The following MDH1 variants were observed in gnomAD, a reference collection of about 807,000 sequenced individuals.
MDH1 encodes the protein malate dehydrogenase, cytoplasmic.
A neutral mutation model predicts 38.7 loss-of-function variants in MDH1; 15 were observed. That is an observed-to-expected ratio of 0.39 (90% CI 0.26 to 0.60). The LOEUF (loss-of-function observed/expected upper bound fraction) is 0.60, where lower values mean the gene tolerates loss of function less well. MDH1 is among the 20% of genes least tolerant of loss of function. MDH1 has a pLI of 0.56. For synonymous variants in MDH1, 144 were observed against 143.6 expected (o/e 1.00, Z -0.02); for missense variants, 368 against 405.2 (o/e 0.91, Z 0.79).
At chr2:63,594,848 G>A (rs986655415) in intron 2 of MDH1, 2 of 342,524 alleles carry the variant, frequency 5.8e-6, no homozygotes, top group South Asian at 3.5e-5. Flanking sequence ...GTCAATGGGA[G>A]ATATCACTAA....
chr2:63,598,208 A>C (rs1709353717), intron 4 of MDH1: 1 of 152,126 alleles, frequency 6.6e-6, no homozygotes, highest in Non-Finnish European at 1.5e-5. Context: ...GGCTCACTGC[A>C]ACCTCTGCCT....
chr2:63,597,605 C>CATT, intron 4 of MDH1, 31 bp downstream of exon 4: 1 of 1,330,618 alleles, frequency 7.5e-7, no homozygotes, highest in African/African-American at 1.5e-5. Context: ...TGGGATTTTT[C>CATT]ATTATTAGCA....
In MDH1 at chr2:63,605,692, A is replaced by G. The variant is rs1029011419; in HGVS notation, c.790-247A>G. On this transcript the variant is annotated intron_variant, in intron 7 of 8. Coordinates refer to ENST00000233114, the MANE Select transcript of MDH1 (RefSeq NM_005917.4). The stretch of plus-strand genomic sequence containing the variant: ...GGTGAATTTTTTTCTTCTATGCCAC[A>G]GCTTCCTCATCTGTAAAATGAGGAT... 2.5e-5 allele frequency: 15 copies of G among 590,974 alleles called. No individual in the cohort carries two copies. In the African/African-American group the frequency reaches 2.6e-4, roughly 10 times the overall value. The allele number at this position is 590,974 out of a possible 1,614,324, so 36.6% of individuals were successfully genotyped here.
intron 5 of MDH1, 80 bp from the exon 6 acceptor site, chr2:63,604,616 A>G: frequency 9.3e-7 from 1 of 1,079,172 alleles, no homozygotes; most frequent in Admixed American, 2.4e-5. Flanking sequence ...ATCTTTATTT[A>G]AGGGCATTTG....
rs376853222 is a variant in MDH1, at chr2:63,594,597, G to T, written c.102+11G>T. The stretch of plus-strand genomic sequence containing the variant: ...TTTGGTAAAGATCAGGTAGGAACAG[G>T]TGTCTATAAATCTTAAGTTATTAGA... On this transcript the variant is annotated intron_variant, in intron 2 of 8. Transcript: ENST00000233114. 1.0e-5 allele frequency: 16 copies of T among 1,570,482 alleles called. 1 individual carries two copies. In the South Asian group the frequency reaches 1.6e-4, roughly 15 times the overall value.
At chr2:63,601,503 T>C (rs983324235) in intron 5 of MDH1, among the ~76,000 whole-genome samples, 2 of 152,222 alleles carry the variant, frequency 1.3e-5, no homozygotes, top group African/African-American at 4.8e-5. Context: ...TCAAAAACTT[T>C]TAACAGACCT....
At chr2:63,596,730 C>T (rs549559316) in intron 3 of MDH1, among the ~76,000 whole-genome samples, 1 of 152,202 alleles carries the variant, frequency 6.6e-6, no homozygotes, top group African/African-American at 2.4e-5. Context: ...TTTTTTAATA[C>T]AATCAACAAA....
chr2:63,597,484 C>T lies in MDH1; in HGVS notation c.285C>T (p.Gly95=). The change falls in exon 4 of 9, where the codon GGC becomes GGT. Residue 95 remains glycine (G), a synonymous_variant. Coordinates refer to ENST00000233114, the MANE Select transcript of MDH1 (RefSeq NM_005917.4). ...ILVGSMPRRE[G]MERKDLLKAN... Reference sequence around the variant, plus strand: ...TGGGCTCCATGCCAAGAAGGGAAGGCATGGAGAGAAAAGATTTACTGAAAG... The same window carrying T: ...TGGGCTCCATGCCAAGAAGGGAAGGTATGGAGAGAAAAGATTTACTGAAAG... The T allele has an allele frequency of 2.0e-6, 3 of 1,523,210 alleles. No individual in the cohort carries two copies. The highest frequency in any genetic ancestry group is 2.7e-6 in the Non-Finnish European group (3 of 1,128,760). 94.4% of individuals were successfully genotyped at this position (1,523,210 alleles called of 1,614,324 possible). A position where few individuals can be genotyped will look rare whatever the true frequency, so the allele number is the denominator to read the frequency against.
In MDH1 at chr2:63,604,903, T is replaced by C. The variant is rs1350310801; in HGVS notation, c.675+31T>C. On this transcript the variant is annotated intron_variant, in intron 6 of 8. Transcript: ENST00000233114. ...AAAAATCTGTGAGCCTTCTTAACAC[T>C]GAGCGTAAAGAACTCTTGAGAGACT... 1.9e-6 allele frequency: 3 copies of C among 1,609,212 alleles called. No individual in the cohort carries two copies. The African/African-American group carries it at 4.0e-5, about 22-fold the overall frequency.
intron 5 of MDH1, chr2:63,599,861 G>A (rs1010362610): frequency 6.6e-6 from 1 of 152,186 alleles, no homozygotes; most frequent in Non-Finnish European, 1.5e-5. Flanking sequence ...CCATAGATAA[G>A]TATGCCAAGG....
Position 63,597,567 on chromosome 2 carries a change from C to T in MDH1, c.368C>T (p.Ser123Leu), listed in dbSNP as rs748420557. 1 of 1,406,334 alleles carries T rather than the reference C, an allele frequency of 7.1e-7. No homozygotes were observed. Among genetic ancestry groups the T allele is most frequent in the East Asian group, 2.7e-5 (1 of 37,388 alleles). The allele number at this position is 1,406,334 out of a possible 1,614,324, so 87.1% of individuals were successfully genotyped here. A position where few individuals can be genotyped will look rare whatever the true frequency, so the allele number is the denominator to read the frequency against. ...GCCTTAGATAAATACGCCAAGAAGT[C>T]AGTTAAGGTGACCAATGCTGTATTT... is the stretch of plus-strand genomic sequence containing the variant. ...GAALDKYAKKSVKVIVVGNPA... is the reference protein window; with the variant it reads ...GAALDKYAKKLVKVIVVGNPA... Residue 123 changes from serine (S) to leucine (L), a missense_variant, in exon 4 of 9, where the codon TCA (serine) becomes TTA (leucine). Transcript: ENST00000233114.
At chr2:63,599,328 A>C in intron 5 of MDH1, 36 bp downstream of exon 5, 1 of 1,582,464 alleles carries the variant, frequency 6.3e-7, no homozygotes, top group Non-Finnish European at 8.6e-7. Context: ...GTGGTTGTTC[A>C]ACTTTAAAAC....
At chr2:63,594,974 T>TC (rs1033354933) in intron 2 of MDH1, 1 of 251,746 alleles carries the variant, frequency 4.0e-6, no homozygotes, top group Admixed American at 5.1e-5. Context: ...AAGCAGGCAC[T>TC]CCGACTTCCA....
chr2:63,599,324 G>A (rs1448804920), intron 5 of MDH1, 32 bp downstream of exon 5: 2 of 1,589,024 alleles, frequency 1.3e-6, no homozygotes, highest in Admixed American at 1.8e-5. Flanking sequence ...TCTTGTGGTT[G>A]TTCAACTTTA....
At chr2:63,589,571 A>G (rs1272366209) in intron 1 of MDH1, among the ~76,000 whole-genome samples, 1 of 152,228 alleles carries the variant, frequency 6.6e-6, no homozygotes, top group Non-Finnish European at 1.5e-5. Context: ...ATTTCTCAAA[A>G]TGTTATTTGG....
At chr2:63,603,655 CTTTTT>C (rs11297982) in intron 5 of MDH1, among the ~76,000 whole-genome samples, 2 of 99,110 alleles carry the variant, frequency 2.0e-5, no homozygotes, top group Admixed American at 2.4e-4. Flanking sequence ...CAAGACATTT[CTTTTT>C]TTTTTTTTTT....
At chr2:63,605,766 A>G in intron 7 of MDH1, 173 bp from the exon 8 acceptor site, 1 of 632,064 alleles carries the variant, frequency 1.6e-6, no homozygotes, top group Non-Finnish European at 2.8e-6. Flanking sequence ...GTGGAATGAA[A>G]TAATATCCAT....
intron 4 of MDH1, chr2:63,598,163 C>G (rs1709353399): frequency 6.6e-6 from 1 of 152,046 alleles, no homozygotes; most frequent in East Asian, 1.9e-4. Flanking sequence ...GAGTCTTGCT[C>G]TGTCACCCAG....
At position 63,606,015 on chromosome 2, in the gene MDH1, C is replaced by G; in HGVS notation, c.866C>G (p.Pro289Arg). Residue 289 changes from proline to arginine, a missense_variant, in exon 8 of 9, where the codon CCT becomes CGT. Pro to Arg is a moderately radical substitution (Grantham distance 103). Coordinates refer to ENST00000233114, the MANE Select transcript of MDH1 (RefSeq NM_005917.4). ...CCTGATGATCTGCTCTACTCATTCC[C>G]TGTTGTAATCAAGGTAAGGTATTTT... ...GVPDDLLYSFPVVIKNKTWKF... is the reference protein window; with the variant it reads ...GVPDDLLYSFRVVIKNKTWKF... 2 of 1,613,870 alleles carry G rather than the reference C, an allele frequency of 1.2e-6. No individual in the cohort carries two copies. The highest frequency in any genetic ancestry group is 1.7e-6 in the Non-Finnish European group (2 of 1,179,760).
Sources: allele counts gnomAD v4.1 joint callset (sites outside exome capture counted in the v4.1 genomes callset), GRCh38; gene constraint gnomAD v4.1.1; transcripts MANE v1.5; gene names NCBI Gene and HGNC (gene_info 2026-07-23, HGNC 2026-07-21).